The following CHST10 variants were observed in gnomAD, a reference collection of about 807,000 sequenced individuals.
The protein encoded by CHST10 is HNK-1 sulfotransferase.
Under a neutral mutation model 34.7 loss-of-function variants are expected in CHST10, and 24 were observed. That is an observed-to-expected ratio of 0.69 (90% CI 0.50 to 0.97). The LOEUF (loss-of-function observed/expected upper bound fraction) is 0.97. Ranked by LOEUF, CHST10 falls within the 50% of genes least tolerant of loss-of-function variation. The pLI is 0.00. For missense variants in CHST10, 402 were observed against 452.1 expected (o/e 0.89, Z 1.00); for synonymous variants, 161 against 169.3 (o/e 0.95, Z 0.38).
chr2:100,406,687 G>A lies in CHST10; in HGVS notation c.-12C>T, dbSNP rs528908198. ...CACTGGTGGTGCATGTTGTCACACC[G>A]CAGCCATTCACTGACTCTTCCTGGA... On this transcript the variant is annotated 5_prime_UTR_variant, in exon 3 of 7. Transcript: ENST00000264249. 29 of 1,612,828 alleles carry A rather than the reference G, an allele frequency of 1.8e-5. No individual in the cohort carries two copies. Among genetic ancestry groups the A allele is most frequent in the South Asian group, 1.3e-4 (12 of 91,038 alleles).
chr2:100,398,523 G>C (rs993535158), intron 4 of CHST10, among the ~76,000 whole-genome samples: 2 of 152,166 alleles, frequency 1.3e-5, no homozygotes, highest in African/African-American at 4.8e-5. Flanking sequence ...GGCCAAGATA[G>C]TAAAACCCCA....
intron 2 of CHST10, among the ~76,000 whole-genome samples, chr2:100,409,098 T>C (rs1282241649): frequency 6.6e-6 from 1 of 152,146 alleles, no homozygotes; most frequent in Non-Finnish European, 1.5e-5. Flanking sequence ...CTGCAGAGCA[T>C]GTGGCGGGAG....
chr2:100,395,594 C>T lies in CHST10; in HGVS notation c.448G>A (p.Glu150Lys), dbSNP rs780346361. 2.5e-6 allele frequency: 4 copies of T among 1,613,916 alleles called. No homozygotes were observed. Among genetic ancestry groups the T allele is most frequent in the African/African-American group, 2.7e-5 (2 of 75,046 alleles). Reference sequence around the variant, plus strand: ...TCGTGCACCACGTTTTCGGGGATCTCCTCAATGGAAGAAAATGCTCCTGGG... The same window carrying T: ...TCGTGCACCACGTTTTCGGGGATCTTCTCAATGGAAGAAAATGCTCCTGGG... ...VLNGAFSSIE[E>K]IPENVVHDHE... is the part of the protein sequence containing the mutation. The change falls in exon 6 of 7, where the codon GAG becomes AAG. Residue 150 changes from glutamate to lysine, a missense_variant. Glu to Lys is a moderately conservative substitution (Grantham distance 56). Coordinates refer to ENST00000264249, the MANE Select transcript of CHST10 (RefSeq NM_004854.5).
intron 2 of CHST10, among the ~76,000 whole-genome samples, chr2:100,414,142 A>G (rs553744123): frequency 1.9e-4 from 29 of 152,170 alleles, no homozygotes; most frequent in Non-Finnish European, 2.2e-4. Flanking sequence ...GGAGCAAGCC[A>G]TGCAGACCCC....
Position 100,406,701 on chromosome 2 carries a change from A to G in CHST10, c.-26T>C. 6.2e-7 allele frequency: 1 copy of G among 1,613,638 alleles called. No homozygotes were observed. Among genetic ancestry groups the G allele is most frequent in the Non-Finnish European group, 8.5e-7 (1 of 1,179,856 alleles). On this transcript the variant is annotated 5_prime_UTR_variant, in exon 3 of 7. Coordinates refer to ENST00000264249, the MANE Select transcript of CHST10 (RefSeq NM_004854.5). ...GTTGTCACACCGCAGCCATTCACTGACTCTTCCTGGAAAACACAAGCGAGA... is the reference window on the plus strand; with the variant it reads ...GTTGTCACACCGCAGCCATTCACTGGCTCTTCCTGGAAAACACAAGCGAGA...
intron 4 of CHST10, among the ~76,000 whole-genome samples, chr2:100,398,576 C>T (rs2104328609): frequency 6.6e-6 from 1 of 152,140 alleles, no homozygotes. Flanking sequence ...TGGTGGTGCA[C>T]ACCTGTAATC....
rs768563801 is a variant in CHST10, at chr2:100,395,541, G to A, written c.501C>T (p.Leu167=). The A allele has an allele frequency of 2.5e-6, 4 of 1,613,972 alleles. No individual in the cohort carries two copies. Among genetic ancestry groups the A allele is most frequent in the Non-Finnish European group, 2.5e-6 (3 of 1,179,860 alleles). ...GAATTTCTGCATCACTGAAGGAAGAGAGCCGAGGAAGGCCGTTCTTCTCGT... is the reference window on the plus strand; with the variant it reads ...GAATTTCTGCATCACTGAAGGAAGAAAGCCGAGGAAGGCCGTTCTTCTCGT... ...HDHEKNGLPR[L]SSFSDAEIQK... The change falls in exon 6 of 7, where the codon CTC becomes CTT. Residue 167 remains leucine, a synonymous_variant. Coordinates refer to ENST00000264249, the MANE Select transcript of CHST10 (RefSeq NM_004854.5).
At chr2:100,416,090 T>C (rs1420060933) in intron 1 of CHST10, 1 of 152,254 alleles carries the variant, frequency 6.6e-6, no homozygotes, top group Non-Finnish European at 1.5e-5. Context: ...AAACATCATG[T>C]ACGGCATTTG....
intron 2 of CHST10, among the ~76,000 whole-genome samples, chr2:100,413,342 AATCTGCATATCC>A (rs1452266278): frequency 1.3e-5 from 2 of 152,172 alleles, no homozygotes; most frequent in Non-Finnish European, 2.9e-5. Context: ...TGACCCCTAG[AATCTGCATATCC>A]ATCTTCAGAG....
In CHST10 at chr2:100,393,088, T is replaced by A; in HGVS notation, c.*157A>T. ...CCAAACTAAGTTGTAACAGTTGGGG[T>A]TCTGCGTCATATGCCGAGGCAACTC... On this transcript the variant is annotated 3_prime_UTR_variant, in exon 7 of 7. Coordinates refer to ENST00000264249, the MANE Select transcript of CHST10 (RefSeq NM_004854.5). 1 of 700,494 alleles carries A rather than the reference T, an allele frequency of 1.4e-6. No homozygotes were observed. Among genetic ancestry groups the A allele is most frequent in the South Asian group, 1.9e-5 (1 of 52,820 alleles). The allele number at this position is 700,494 out of a possible 1,614,324, so 43.4% of individuals were successfully genotyped here. A position where few individuals can be genotyped will look rare whatever the true frequency, so the allele number is the denominator to read the frequency against.
chr2:100,416,089 G>A (rs1475670330), intron 1 of CHST10: 1 of 152,194 alleles, frequency 6.6e-6, no homozygotes, highest in Non-Finnish European at 1.5e-5. Flanking sequence ...GAAACATCAT[G>A]TACGGCATTT....
rs534925289 is a variant in CHST10 at position 100,405,207 on chromosome 2, G to A, written c.100+1369C>T. Among the ~76,000 whole-genome samples, 9 of 152,308 alleles carry A rather than the reference G, an allele frequency of 5.9e-5. No homozygotes were observed. The East Asian group carries it at 1.5e-3, about 26-fold the overall frequency. On this transcript the variant is annotated intron_variant, in intron 3 of 6. Transcript: ENST00000264249. Reference sequence around the variant, plus strand: ...AAGAATCGACCCTTGCTCTGCTGACGGAACCCCGAGTCCCGGGCGTGAGCT... The same window carrying A: ...AAGAATCGACCCTTGCTCTGCTGACAGAACCCCGAGTCCCGGGCGTGAGCT...
At chr2:100,398,852 G>C (rs1558636549) in intron 4 of CHST10, among the ~76,000 whole-genome samples, 1 of 152,192 alleles carries the variant, frequency 6.6e-6, no homozygotes, top group Non-Finnish European at 1.5e-5. Flanking sequence ...TGTAATGTGA[G>C]AGGCCTTGTG....
intron 6 of CHST10, among the ~76,000 whole-genome samples, chr2:100,394,443 TTCAC>T (rs1185712588): frequency 1.3e-5 from 2 of 152,292 alleles, no homozygotes; most frequent in South Asian, 2.1e-4. Flanking sequence ...TTGCCGTGTC[TTCAC>T]TCACTGAGTC....
chr2:100,400,109 C>CAT (rs767062333), intron 4 of CHST10, among the ~76,000 whole-genome samples: 1 of 152,218 alleles, frequency 6.6e-6, no homozygotes, highest in Admixed American at 6.5e-5. Context: ...AAGAACAGCG[C>CAT]ATCAGGAGAG....
intron 3 of CHST10, among the ~76,000 whole-genome samples, chr2:100,403,160 C>A (rs112676577): frequency 6.7e-4 from 102 of 152,294 alleles, no homozygotes; most frequent in African/African-American, 2.4e-3. Flanking sequence ...TGGAGAGTAT[C>A]CGCAGATGGC....
chr2:100,409,385 C>A (rs1675722909), intron 2 of CHST10, among the ~76,000 whole-genome samples: 1 of 152,220 alleles, frequency 6.6e-6, no homozygotes. Flanking sequence ...GATAGGATTT[C>A]TCCAACTACA....
At chr2:100,408,174 A>C (rs1016211401) in intron 2 of CHST10, 5 of 152,168 alleles carry the variant, frequency 3.3e-5, no homozygotes, top group Non-Finnish European at 7.3e-5. Flanking sequence ...TTATACTAAA[A>C]AAAAACAAAA....
chr2:100,400,702 G>A (rs1053523221), intron 4 of CHST10, among the ~76,000 whole-genome samples: 2 of 152,084 alleles, frequency 1.3e-5, no homozygotes, highest in Admixed American at 6.6e-5. Flanking sequence ...TTCTGAGACC[G>A]AGTTTCGCTC....
Sources: allele counts gnomAD v4.1 joint callset (sites outside exome capture counted in the v4.1 genomes callset), GRCh38; gene constraint gnomAD v4.1.1; transcripts MANE v1.5; gene names NCBI Gene and HGNC (gene_info 2026-07-23, HGNC 2026-07-21).